The following THSD7A variants were observed in gnomAD, a reference collection of about 807,000 sequenced individuals.
THSD7A encodes thrombospondin type 1 domain containing 7A.
A neutral mutation model predicts 231.3 loss-of-function variants in THSD7A; 96 were observed. That is an observed-to-expected ratio of 0.41 (90% confidence interval 0.35 to 0.49). THSD7A has a LOEUF of 0.49. THSD7A is among the 20% of genes least tolerant of loss of function. The pLI is 0.05. For missense variants in THSD7A, 2,290 were observed against 2,070.2 expected (o/e 1.11, Z -2.06); for synonymous variants, 940 against 743.3 (o/e 1.26, Z -4.30).
At chr7:11,420,383 G>A (rs1309391953) in intron 16 of THSD7A, among the ~76,000 whole-genome samples, 1 of 152,250 alleles carries the variant, frequency 6.6e-6, no homozygotes, top group Admixed American at 6.5e-5. Flanking sequence ...GTTAAAAGGG[G>A]CCAAGGTACA....
At chr7:11,525,186 G>A (rs911480126) in intron 6 of THSD7A, among the ~76,000 whole-genome samples, 3 of 152,122 alleles carry the variant, frequency 2.0e-5, no homozygotes, top group Non-Finnish European at 2.9e-5. Context: ...TGACTCAGAT[G>A]CAACTTCTGT....
At chr7:11,799,440 T>C (rs928262221) in intron 1 of THSD7A, among the ~76,000 whole-genome samples, 2 of 152,182 alleles carry the variant, frequency 1.3e-5, no homozygotes, top group Non-Finnish European at 2.9e-5. Flanking sequence ...CTAAATCATA[T>C]TACTTCAAAA....
chr7:11,805,568 A>G (rs770647671), intron 1 of THSD7A, among the ~76,000 whole-genome samples: 47 of 152,258 alleles, frequency 3.1e-4, no homozygotes, highest in Non-Finnish European at 4.9e-4. Context: ...AGCTTCTTAA[A>G]AGAATATAAT....
chr7:11,541,403 G>C lies in THSD7A; in HGVS notation c.1822+16C>G, dbSNP rs144268411. 1.9e-6 allele frequency: 3 copies of C among 1,612,514 alleles called. No individual in the cohort carries two copies. The highest frequency in any genetic ancestry group is 2.2e-5 in the South Asian group (2 of 90,992). On this transcript the variant is annotated intron_variant, in intron 6 of 27. Transcript: ENST00000423059. ...GTTGGACATCCATAAAAACATAATAGATACGTCTGTCTTACCATCACTGTT... is the reference window on the plus strand; with the variant it reads ...GTTGGACATCCATAAAAACATAATACATACGTCTGTCTTACCATCACTGTT...
At chr7:11,581,681 T>C (rs1791172496) in intron 4 of THSD7A, among the ~76,000 whole-genome samples, 1 of 152,020 alleles carries the variant, frequency 6.6e-6, no homozygotes, top group Non-Finnish European at 1.5e-5. Context: ...ACTCTAAAAA[T>C]ATTGGAGAAA....
At chr7:11,780,824 T>C (rs957699987) in intron 1 of THSD7A, among the ~76,000 whole-genome samples, 9 of 151,680 alleles carry the variant, frequency 5.9e-5, no homozygotes, top group Admixed American at 3.3e-4. Flanking sequence ...ACCCCGTCTC[T>C]ACTAAAAATA....
At chr7:11,670,204 G>C (rs991116801) in intron 1 of THSD7A, among the ~76,000 whole-genome samples, 4 of 152,166 alleles carry the variant, frequency 2.6e-5, no homozygotes, top group Admixed American at 6.6e-5. Context: ...TGGAGAGTGG[G>C]ATATAAGATT....
At chr7:11,459,078 T>C (rs957492541) in intron 11 of THSD7A, among the ~76,000 whole-genome samples, 2 of 152,336 alleles carry the variant, frequency 1.3e-5, no homozygotes, top group South Asian at 2.1e-4. Context: ...TGGTGTTTTA[T>C]AAAGATATGG....
intron 4 of THSD7A, 66 bp from the exon 5 acceptor site, chr7:11,543,183 T>C (rs1214918470): frequency 1.4e-6 from 2 of 1,456,960 alleles, no homozygotes; most frequent in African/African-American, 1.4e-5. Flanking sequence ...AACAATATGA[T>C]TTTTCTGTGT....
At position 11,636,095 on chromosome 7, in the gene THSD7A, C is replaced by G. The variant is rs758686236; in HGVS notation, c.1022+35G>C. ...TTAGGTACTCATGATTCTTGACAGACAAGCCTGTGTAGTTAACAGTAATTA... is the reference window on the plus strand; with the variant it reads ...TTAGGTACTCATGATTCTTGACAGAGAAGCCTGTGTAGTTAACAGTAATTA... On this transcript the variant is annotated intron_variant, in intron 2 of 27. Transcript: ENST00000423059. This position sits in a 1 kb window ranked among gnomAD's most constrained non-coding sequence, Gnocchi z 10.0. 1.3e-6 allele frequency: 2 copies of G among 1,555,738 alleles called. No homozygotes were observed. Among genetic ancestry groups the G allele is most frequent in the Non-Finnish European group, 1.7e-6 (2 of 1,144,116 alleles).
chr7:11,467,041 C>G (rs913146931), intron 9 of THSD7A, among the ~76,000 whole-genome samples: 1 of 152,108 alleles, frequency 6.6e-6, no homozygotes, highest in Non-Finnish European at 1.5e-5. Flanking sequence ...TCCTCTAGCC[C>G]TTCTACCGCT....
chr7:11,609,083 A>G (rs553477759), intron 2 of THSD7A, among the ~76,000 whole-genome samples: 2 of 151,952 alleles, frequency 1.3e-5, no homozygotes, highest in Non-Finnish European at 2.9e-5. Flanking sequence ...TGAATATCCC[A>G]TCTCACATTG....
chr7:11,800,116 G>T, intron 1 of THSD7A, among the ~76,000 whole-genome samples: 1 of 152,100 alleles, frequency 6.6e-6, no homozygotes, highest in African/African-American at 2.4e-5. Context: ...GAGAGGAGTC[G>T]AGCACTTGAG....
intron 1 of THSD7A, among the ~76,000 whole-genome samples, chr7:11,739,184 G>C (rs1179692670): frequency 6.6e-6 from 1 of 151,890 alleles, no homozygotes; most frequent in Non-Finnish European, 1.5e-5. Flanking sequence ...AAATCCTAGG[G>C]ATAAGAACAT....
chr7:11,427,694 G>C (rs750959229), intron 14 of THSD7A, among the ~76,000 whole-genome samples: 20 of 152,080 alleles, frequency 1.3e-4, no homozygotes, highest in Non-Finnish European at 1.9e-4. Flanking sequence ...AAAATTCAAG[G>C]TTTCAAAATT....
intron 2 of THSD7A, among the ~76,000 whole-genome samples, chr7:11,604,288 CT>C (rs1780664364): frequency 6.6e-6 from 1 of 152,036 alleles, no homozygotes; most frequent in Non-Finnish European, 1.5e-5. Context: ...AGCACTCAAA[CT>C]GAGTGAGGTA....
intron 1 of THSD7A, among the ~76,000 whole-genome samples, chr7:11,748,514 T>A (rs1351924275): frequency 7.9e-5 from 12 of 152,000 alleles, no homozygotes; most frequent in Admixed American, 7.2e-4. Flanking sequence ...AAGATACATG[T>A]ATATATTCTC....
intron 1 of THSD7A, among the ~76,000 whole-genome samples, chr7:11,786,215 T>A (rs1397986449): frequency 2.0e-5 from 3 of 151,980 alleles, no homozygotes; most frequent in Non-Finnish European, 4.4e-5. Flanking sequence ...ACGAAAACCA[T>A]CACTAACCCC....
In THSD7A at chr7:11,637,057, A is replaced by G. The variant is rs1781893850; in HGVS notation, c.191-96T>C. The G allele has an allele frequency of 8.7e-6, 10 of 1,143,172 alleles. No individual in the cohort carries two copies. The South Asian group carries it at 1.5e-4, about 17-fold the overall frequency. The allele number at this position is 1,143,172 out of a possible 1,614,324, so 70.8% of individuals were successfully genotyped here. ...AAGACCTTTCAAGACCTAGTACATTAACTTCCCTGCGGTGTTACAAAGTAG... is the reference window on the plus strand; with the variant it reads ...AAGACCTTTCAAGACCTAGTACATTGACTTCCCTGCGGTGTTACAAAGTAG... On this transcript the variant is annotated intron_variant, in intron 1 of 27. Coordinates refer to ENST00000423059, the MANE Select transcript of THSD7A (RefSeq NM_015204.3). The surrounding 1 kb of genome is among the most constrained non-coding windows in gnomAD (Gnocchi z 4.2).
Sources: gnomAD v4.1 joint callset for allele counts (sites outside exome capture counted in the v4.1 genomes callset) on GRCh38, gnomAD v4.1.1 for gene constraint, Gnocchi (gnomAD v3.1) non-coding constraint, MANE v1.5 for transcripts, NCBI Gene and HGNC (gene_info 2026-07-23, HGNC 2026-07-21) for gene names.